GALNT7: variants seen among roughly 807,000 people sequenced by gnomAD.
The protein encoded by GALNT7 is N-acetylgalactosaminyltransferase 7.
Under a neutral mutation model 82.1 loss-of-function variants are expected in GALNT7, and 60 were observed. That is an observed-to-expected ratio of 0.73 (90% confidence interval 0.59 to 0.91). The LOEUF (loss-of-function observed/expected upper bound fraction) is 0.91, where lower values mean the gene tolerates loss of function less well. Ranked by LOEUF, GALNT7 falls within the 40% of genes least tolerant of loss-of-function variation. The pLI, the probability that GALNT7 is intolerant of heterozygous loss-of-function variation, is 0.00. For missense variants in GALNT7, 660 were observed against 804.2 expected (o/e 0.82, Z 2.17); for synonymous variants, 243 against 275.1 (o/e 0.88, Z 1.15).
intron 6 of GALNT7, among the ~76,000 whole-genome samples, chr4:173,300,505 C>A (rs1580003827): frequency 6.6e-6 from 1 of 151,876 alleles, no homozygotes. Context: ...GGATGAGGGA[C>A]CAATTCTGTG....
At chr4:173,273,531 T>C (rs373809291) in intron 2 of GALNT7, among the ~76,000 whole-genome samples, 1 of 152,188 alleles carries the variant, frequency 6.6e-6, no homozygotes, top group South Asian at 2.1e-4. Flanking sequence ...AACACAGACC[T>C]CACCAGGTTT....
intron 9 of GALNT7, among the ~76,000 whole-genome samples, chr4:173,315,599 A>G (rs145240096): frequency 2.0e-5 from 3 of 152,278 alleles, no homozygotes; most frequent in African/African-American, 7.2e-5. Context: ...ATAGAAGGAA[A>G]AACCAACAGA....
intron 1 of GALNT7, among the ~76,000 whole-genome samples, chr4:173,183,931 C>T (rs988182037): frequency 6.6e-6 from 1 of 150,626 alleles, no homozygotes; most frequent in Non-Finnish European, 1.5e-5. Context: ...ACGGGGCGGC[C>T]AGGCAGAGAC....
Position 173,295,854 on chromosome 4 carries a change from C to A in GALNT7, c.965+11C>A, listed in dbSNP as rs749226476. 2 of 1,525,114 alleles carry A rather than the reference C, an allele frequency of 1.3e-6. No individual in the cohort carries two copies. Among genetic ancestry groups the A allele is most frequent in the Non-Finnish European group, 1.8e-6 (2 of 1,099,124 alleles). 94.5% of individuals were successfully genotyped at this position (1,525,114 alleles called of 1,614,324 possible). A position where few individuals can be genotyped will look rare whatever the true frequency, so the allele number is the denominator to read the frequency against. ...CATATCTAAGGACAGGTAACATTACCTTGCTTTTTTTCTTTCCTGGTTGAA... is the reference window on the plus strand; with the variant it reads ...CATATCTAAGGACAGGTAACATTACATTGCTTTTTTTCTTTCCTGGTTGAA... On this transcript the variant is annotated intron_variant, in intron 5 of 11. Transcript: ENST00000265000.
intron 1 of GALNT7, among the ~76,000 whole-genome samples, chr4:173,199,566 C>T (rs1464846200): frequency 6.6e-6 from 1 of 152,192 alleles, no homozygotes; most frequent in Non-Finnish European, 1.5e-5. Flanking sequence ...TCTTCATGCC[C>T]TCCTAATGGG....
chr4:173,172,387 A>G (rs1042856975), intron 1 of GALNT7, among the ~76,000 whole-genome samples: 1 of 152,166 alleles, frequency 6.6e-6, no homozygotes, highest in African/African-American at 2.4e-5. Flanking sequence ...TATACTAGTT[A>G]AAAGCTGCCA....
chr4:173,320,978 C>G lies in GALNT7; in HGVS notation c.1837-602C>G, dbSNP rs190816836. On this transcript the variant is annotated intron_variant, in intron 11 of 11. Coordinates refer to ENST00000265000, the MANE Select transcript of GALNT7 (RefSeq NM_017423.3). This position sits in a 1 kb window ranked among gnomAD's most constrained non-coding sequence, Gnocchi z 4.1. ...AGTTTTACTCACCATTGCTTTTGCA[C>G]TATCGGTATAAATGTTGCTAAAGTG... Among the ~76,000 whole-genome samples the G allele has an allele frequency of 1.8e-4, 27 of 152,268 alleles. No individual in the cohort carries two copies. Among genetic ancestry groups the G allele is most frequent in the Admixed American group, 1.6e-3 (25 of 15,278 alleles).
chr4:173,184,485 G>T (rs1248538494), intron 1 of GALNT7, among the ~76,000 whole-genome samples: 1 of 151,716 alleles, frequency 6.6e-6, no homozygotes, highest in East Asian at 1.9e-4. Context: ...GCAATCCCAG[G>T]CACTCGGCAG....
At chr4:173,205,010 A>G (rs2126659623) in intron 1 of GALNT7, among the ~76,000 whole-genome samples, 1 of 152,332 alleles carries the variant, frequency 6.6e-6, no homozygotes, top group African/African-American at 2.4e-5. Context: ...TGAGCAGGTC[A>G]TCTGGTGTGG....
At chr4:173,321,298 T>C (rs1408237503) in intron 11 of GALNT7, among the ~76,000 whole-genome samples, 1 of 152,088 alleles carries the variant, frequency 6.6e-6, no homozygotes, top group Admixed American at 6.6e-5. Context: ...ACAAGAGACA[T>C]AGATTTGGAG....
intron 1 of GALNT7, among the ~76,000 whole-genome samples, chr4:173,199,946 T>C (rs1732890296): frequency 1.3e-5 from 2 of 152,226 alleles, no homozygotes; most frequent in African/African-American, 4.8e-5. Context: ...CAACAAAAGT[T>C]AAAGTCTTCC....
chr4:173,319,441 G>A (rs780820238), intron 11 of GALNT7, among the ~76,000 whole-genome samples: 8 of 152,018 alleles, frequency 5.3e-5, no homozygotes, highest in African/African-American at 1.2e-4. Context: ...TGATAAGCAC[G>A]TATCAATTGA....
intron 1 of GALNT7, among the ~76,000 whole-genome samples, chr4:173,189,635 A>G (rs1305310955): frequency 2.6e-5 from 4 of 152,254 alleles, no homozygotes; most frequent in Admixed American, 2.0e-4. Context: ...AAATTAGTCT[A>G]ATAAAAGTAT....
chr4:173,317,642 C>T lies in GALNT7; in HGVS notation c.1617C>T (p.Gly539=). 1 of 1,605,998 alleles carries T rather than the reference C, an allele frequency of 6.2e-7. No individual in the cohort carries two copies. The highest frequency in any genetic ancestry group is 8.5e-7 in the Non-Finnish European group (1 of 1,172,962). The stretch of plus-strand genomic sequence containing the variant: ...TTTATTCATTTTTTTAGATCAGAGG[C>T]TTCGAAACTGCTTACTGCATTGATA... ...PKNVDWGEIR[G]FETAYCIDSM... is the part of the protein sequence containing the mutation. The change falls in exon 10 of 12, where the codon GGC becomes GGT. Residue 539 remains glycine, a synonymous_variant. Coordinates refer to ENST00000265000, the MANE Select transcript of GALNT7 (RefSeq NM_017423.3).
At chr4:173,205,111 G>T (rs1013651219) in intron 1 of GALNT7, among the ~76,000 whole-genome samples, 2 of 152,000 alleles carry the variant, frequency 1.3e-5, no homozygotes, top group African/African-American at 4.8e-5. Context: ...GGGTCTGTCG[G>T]GTTGGACCTG....
intron 2 of GALNT7, among the ~76,000 whole-genome samples, chr4:173,283,881 T>C (rs1307911945): frequency 6.6e-6 from 1 of 152,246 alleles, no homozygotes; most frequent in Non-Finnish European, 1.5e-5. Flanking sequence ...TGCAAACAAC[T>C]ATATTGTTAT....
Position 173,201,451 on chromosome 4 carries a change from G to A in GALNT7, c.126+32490G>A, listed in dbSNP as rs1017398857. On this transcript the variant is annotated intron_variant, in intron 1 of 11. Transcript: ENST00000265000. ...CACCTTGCTGCCTTATGGAATCAAG[G>A]TAAAAATAAAGAAAAAAATGTAAGT... Among the ~76,000 whole-genome samples, 10 of 152,146 alleles carry A rather than the reference G, an allele frequency of 6.6e-5. No individual in the cohort carries two copies. The East Asian group carries it at 1.5e-3, about 23-fold the overall frequency.
At chr4:173,197,837 C>A (rs979843789) in intron 1 of GALNT7, among the ~76,000 whole-genome samples, 1 of 152,170 alleles carries the variant, frequency 6.6e-6, no homozygotes, top group Admixed American at 6.5e-5. Context: ...TCTGGTCCAT[C>A]TTCTTGGCAG....
chr4:173,216,727 A>ATATATATATATATATATATT (rs71244915), intron 1 of GALNT7, among the ~76,000 whole-genome samples: 1 of 12,980 alleles, frequency 7.7e-5, no homozygotes, highest in African/African-American at 2.8e-4. Context: ...ATATATATAT[A>ATATATATATATATATATATT]TTTTTTTTTT....
Sources: allele counts gnomAD v4.1 joint callset (sites outside exome capture counted in the v4.1 genomes callset), GRCh38; gene constraint gnomAD v4.1.1; non-coding constraint Gnocchi (gnomAD v3.1); transcripts MANE v1.5; gene names NCBI Gene and HGNC (gene_info 2026-07-23, HGNC 2026-07-21).